The following MCAM variants were observed in gnomAD, a reference collection of about 807,000 sequenced individuals.
The protein encoded by MCAM is melanoma cell adhesion molecule, also known as cell surface glycoprotein MUC18.
In MCAM, 55 loss-of-function variants were observed where a neutral mutation model predicts 79.1. The ratio of observed to expected loss-of-function variants is 0.70; its 90% CI spans 0.56 to 0.87. The LOEUF is 0.87. MCAM is among the 40% of genes least tolerant of loss of function. The pLI is 0.00. For synonymous variants in MCAM, 330 were observed against 339.8 expected, an observed-to-expected ratio of 0.97 and a Z score of 0.32; for missense variants, 745 against 839.8, an observed-to-expected ratio of 0.89 and a Z score of 1.40.
rs375846034 is a variant in MCAM, at chr11:119,312,032, C to G, written c.1143+20G>C. 2.5e-6 allele frequency: 4 copies of G among 1,582,536 alleles called. No individual in the cohort carries two copies. In the African/African-American group the frequency reaches 5.4e-5, roughly 21 times the overall value. ...CCCCACCCACCCCATCAGCCCCTTGCCCCAGACCCGCCTGGGTACCTCTTC... is the reference window on the plus strand; with the variant it reads ...CCCCACCCACCCCATCAGCCCCTTGGCCCAGACCCGCCTGGGTACCTCTTC... On this transcript the variant is annotated intron_variant, in intron 9 of 15. Coordinates refer to ENST00000264036, the MANE Select transcript of MCAM (RefSeq NM_006500.3). The surrounding 1 kb of genome is among the most constrained non-coding windows in gnomAD (Gnocchi z 4.9).
chr11:119,309,615 T>C lies in MCAM; in HGVS notation c.*271A>G, dbSNP rs1033203711. Reference sequence around the variant, plus strand: ...AGAAAAAACACGTTCTGCAAGAAACTCTCCTACCCGCTCGGGAGACTGGGG... The same window carrying C: ...AGAAAAAACACGTTCTGCAAGAAACCCTCCTACCCGCTCGGGAGACTGGGG... On this transcript the variant is annotated 3_prime_UTR_variant, in exon 16 of 16. Transcript: ENST00000264036. The C allele has an allele frequency of 1.9e-6, 1 of 523,362 alleles. No individual in the cohort carries two copies. The highest frequency in any genetic ancestry group is 1.9e-5 in the African/African-American group (1 of 52,554). The allele number at this position is 523,362 out of a possible 1,614,324, so 32.4% of individuals were successfully genotyped here.
chr11:119,316,973 T>TCC lies in MCAM; in HGVS notation c.67+60_67+61dup. 6 of 1,417,514 alleles carry TCC rather than the reference T, an allele frequency of 4.2e-6. No homozygotes were observed. In the South Asian group the frequency reaches 6.3e-5, roughly 15 times the overall value. The allele number at this position is 1,417,514 out of a possible 1,614,324, so 87.8% of individuals were successfully genotyped here. A position where few individuals can be genotyped will look rare whatever the true frequency, so the allele number is the denominator to read the frequency against. On this transcript the variant is annotated intron_variant, in intron 1 of 15. Coordinates refer to ENST00000264036, the MANE Select transcript of MCAM (RefSeq NM_006500.3). This position sits in a 1 kb window ranked among gnomAD's most constrained non-coding sequence, Gnocchi z 4.8. ...GACCCCGCCGCGCCGCTGGCTCTGC[T>TCC]CCCTGGCACGCTCCACCGCAGACCC...
rs774715305 is a variant in MCAM, at chr11:119,312,155, C to G, written c.1040G>C (p.Arg347Pro). 2 of 1,612,614 alleles carry G rather than the reference C, an allele frequency of 1.2e-6. No individual in the cohort carries two copies. The highest frequency in any genetic ancestry group is 1.7e-6 in the Non-Finnish European group (2 of 1,179,332). The change falls in exon 9 of 16, where the codon CGA (arginine) becomes CCA (proline). Residue 347 changes from arginine to proline, a missense_variant. Arg to Pro is a moderately radical substitution (Grantham distance 103, BLOSUM62 -2). Transcript: ENST00000264036. This position sits in a 1 kb window ranked among gnomAD's most constrained non-coding sequence, Gnocchi z 4.9. ...TCTCTCAGGGGCTGCGGGACTCACT[C>G]GGACGTCAGACACATCTGGGGGTAC... is the stretch of plus-strand genomic sequence containing the variant. The part of the protein sequence containing the change: ...ELLVNYVSDV[R>P]VSPAAPERQE...
At chr11:119,313,300 A>G in intron 5 of MCAM, 1 of 1,333,246 alleles carries the variant, frequency 7.5e-7, no homozygotes, top group Non-Finnish European at 9.8e-7. Flanking sequence ...CAGTTGATCT[A>G]AATAGACTGA....
chr11:119,311,022 C>G lies in MCAM; in HGVS notation c.1645+68G>C. Reference sequence around the variant, plus strand: ...GCTACTCACCTTTCTGGACAGGGCTCTCTGGGGAGGGACAGGGCAGAAAGG... The same window carrying G: ...GCTACTCACCTTTCTGGACAGGGCTGTCTGGGGAGGGACAGGGCAGAAAGG... On this transcript the variant is annotated intron_variant, in intron 13 of 15. Transcript: ENST00000264036. The surrounding 1 kb of genome is among the most constrained non-coding windows in gnomAD (Gnocchi z 4.4). 1 of 1,614,016 alleles carries G rather than the reference C, an allele frequency of 6.2e-7. No homozygotes were observed. The highest frequency in any genetic ancestry group is 8.5e-7 in the Non-Finnish European group (1 of 1,180,004).
At chr11:119,310,538 T>C in intron 14 of MCAM, 72 bp from the exon 15 acceptor site, 2 of 1,153,556 alleles carry the variant, frequency 1.7e-6, no homozygotes, top group Non-Finnish European at 2.6e-6. Context: ...CTGTGAAGGA[T>C]GTGGAATGGA....
Position 119,315,456 on chromosome 11 carries a change from A to G in MCAM, c.68-193T>C. 1 of 626,162 alleles carries G rather than the reference A, an allele frequency of 1.6e-6. No individual in the cohort carries two copies. The highest frequency in any genetic ancestry group is 2.7e-6 in the Non-Finnish European group (1 of 363,754). The allele number at this position is 626,162 out of a possible 1,614,324, so 38.8% of individuals were successfully genotyped here. ...GCCCTCTCCCCGTCCAGGAGATCCCAGGTCCTTGGAGCCAAGCAGAGATTG... is the reference window on the plus strand; with the variant it reads ...GCCCTCTCCCCGTCCAGGAGATCCCGGGTCCTTGGAGCCAAGCAGAGATTG... On this transcript the variant is annotated intron_variant, in intron 1 of 15. Transcript: ENST00000264036. The surrounding 1 kb of genome is among the most constrained non-coding windows in gnomAD (Gnocchi z 4.4).
At position 119,310,803 on chromosome 11, in the gene MCAM, G is replaced by A. The variant is rs779273483; in HGVS notation, c.1746C>T (p.Leu582=). The change falls in exon 14 of 16, where the codon CTC becomes CTT. Residue 582 remains leucine, a synonymous_variant. Coordinates refer to ENST00000264036, the MANE Select transcript of MCAM (RefSeq NM_006500.3). The part of the protein sequence containing the change: ...LAVLGAVLYF[L]YKKGKLPCRR... ...TGCACGGCAGCTTGCCCTTCTTATA[G>A]AGGAAATAGAGGACAGCGCCCAGCA... 4 of 1,614,152 alleles carry A rather than the reference G, an allele frequency of 2.5e-6. No individual in the cohort carries two copies. The East Asian group carries it at 8.9e-5, about 36-fold the overall frequency.
In MCAM at chr11:119,311,519, C is replaced by T. The variant is rs748469367; in HGVS notation, c.1407+11G>A. ...GATTAGGAGAGTGTGGCAGATGAGACACCCGCTCACCGTGCCGTTGACGTT... is the reference window on the plus strand; with the variant it reads ...GATTAGGAGAGTGTGGCAGATGAGATACCCGCTCACCGTGCCGTTGACGTT... On this transcript the variant is annotated intron_variant, in intron 11 of 15. Transcript: ENST00000264036. The surrounding 1 kb of genome is among the most constrained non-coding windows in gnomAD (Gnocchi z 4.4). 9 of 1,613,998 alleles carry T rather than the reference C, an allele frequency of 5.6e-6. No homozygotes were observed. In the South Asian group the frequency reaches 6.6e-5, roughly 12 times the overall value.
chr11:119,316,258 G>C lies in MCAM; in HGVS notation c.67+777C>G. On this transcript the variant is annotated intron_variant, in intron 1 of 15. Coordinates refer to ENST00000264036, the MANE Select transcript of MCAM (RefSeq NM_006500.3). This position sits in a 1 kb window ranked among gnomAD's most constrained non-coding sequence, Gnocchi z 4.8. ...CCAGCCGGACAGCGGCTGGGACGGC[G>C]GAATGGGAGCCAAGAGAAACACGCG... is the stretch of plus-strand genomic sequence containing the variant. 6.6e-6 allele frequency: 1 copy of C among 152,270 alleles called. No individual in the cohort carries two copies. Among genetic ancestry groups the C allele is most frequent in the East Asian group, 1.9e-4 (1 of 5,194 alleles). The allele number at this position is 152,270 out of a possible 1,614,324, so 9.4% of individuals were successfully genotyped here. A position where few individuals can be genotyped will look rare whatever the true frequency, so the allele number is the denominator to read the frequency against.
rs763801017 is a variant in MCAM at position 119,312,317 on chromosome 11, A to C, written c.973T>G (p.Leu325Val). The C allele has an allele frequency of 6.2e-7, 1 of 1,614,012 alleles. No individual in the cohort carries two copies. Among genetic ancestry groups the C allele is most frequent in the Non-Finnish European group, 8.5e-7 (1 of 1,179,980 alleles). The change falls in exon 8 of 16, where the codon TTG (leucine) becomes GTG (valine). Residue 325 changes from leucine (L) to valine (V), a missense_variant. By Grantham distance (32) the Leu-to-Val change is conservative. Transcript: ENST00000264036. The surrounding 1 kb of genome is among the most constrained non-coding windows in gnomAD (Gnocchi z 4.9). ...CTCAGCAGCGATATCATGGTGTCCA[A>C]GTCCAGGCCCTGACATTCATAGCGC... is the stretch of plus-strand genomic sequence containing the variant. ...SGRYECQGLD[L>V]DTMISLLSEP...
chr11:119,313,396 ATTT>A (rs747407625), intron 5 of MCAM: 1,004 of 870,180 alleles, frequency 1.2e-3, no homozygotes, highest in Non-Finnish European at 1.3e-3. Flanking sequence ...ACTACTGATA[ATTT>A]TTTTTTTTTT....
rs990475333 is a variant in MCAM, at chr11:119,311,394, G to A, written c.1435C>T (p.Arg479Ter). The change falls in exon 12 of 16, where the codon CGA becomes TGA. Residue 479 changes from arginine to a stop codon, truncating the protein, a stop_gained. Transcript: ENST00000264036. LOFTEE classifies it high-confidence loss of function. The surrounding 1 kb of genome is among the most constrained non-coding windows in gnomAD (Gnocchi z 4.4). ...TASEQDQDPQRVLSTLNVLVT... is the reference protein window; with the variant it reads ...TASEQDQDPQ ...AGGACATTCAGGGTGCTCAGGACTCGCTGTGGATCTTGGTCTTGTTCACTT... is the reference window on the plus strand; with the variant it reads ...AGGACATTCAGGGTGCTCAGGACTCACTGTGGATCTTGGTCTTGTTCACTT... 4 of 1,614,166 alleles carry A rather than the reference G, an allele frequency of 2.5e-6. No homozygotes were observed. The highest frequency in any genetic ancestry group is 3.4e-6 in the Non-Finnish European group (4 of 1,180,018).
rs763106062 is a variant in MCAM, at chr11:119,312,761, A to G, written c.739+9T>C. ...GCCCCAGTAAGCAGAGAGTCAGGTT[A>G]GTACTCACAGAAAACAGGGACGGTG... On this transcript the variant is annotated intron_variant, in intron 6 of 15. Transcript: ENST00000264036. The surrounding 1 kb of genome is among the most constrained non-coding windows in gnomAD (Gnocchi z 4.9). 12 of 1,613,794 alleles carry G rather than the reference A, an allele frequency of 7.4e-6. No individual in the cohort carries two copies. The East Asian group carries it at 2.5e-4, about 33-fold the overall frequency.
intron 5 of MCAM, chr11:119,314,241 C>CATTT (rs1232607881): frequency 2.0e-6 from 1 of 508,510 alleles, no homozygotes; most frequent in East Asian, 3.9e-5. Context: ...CTGCAGCCTT[C>CATTT]ATTTCCTGGG....
At position 119,314,014 on chromosome 11, in the gene MCAM, GA is replaced by G. The variant is rs564780937; in HGVS notation, c.559+474del. On this transcript the variant is annotated intron_variant, in intron 5 of 15. Coordinates refer to ENST00000264036, the MANE Select transcript of MCAM (RefSeq NM_006500.3). ...CCCTGATAGCAGAGATTATTTCTGG[GA>G]GGGGGGGTCTCAGGCAAGAAGAAAC... The G allele has an allele frequency of 1.0e-4, 102 of 981,708 alleles. No homozygotes were observed. In the Admixed American group the frequency reaches 1.1e-3, roughly 10 times the overall value. 60.8% of individuals were successfully genotyped at this position (981,708 alleles called of 1,614,324 possible).
In MCAM at chr11:119,311,679, G is replaced by T; in HGVS notation, c.1286-28C>A. Reference sequence around the variant, plus strand: ...TGGGGAGGTAGGGAGAGGTGAGGTGGCAAGCCCAGCTAGCCTGCCTCCCCC... The same window carrying T: ...TGGGGAGGTAGGGAGAGGTGAGGTGTCAAGCCCAGCTAGCCTGCCTCCCCC... On this transcript the variant is annotated intron_variant, in intron 10 of 15. Transcript: ENST00000264036. This position sits in a 1 kb window ranked among gnomAD's most constrained non-coding sequence, Gnocchi z 4.4. The T allele has an allele frequency of 6.2e-7, 1 of 1,613,312 alleles. No homozygotes were observed.
chr11:119,314,853 C>G lies in MCAM; in HGVS notation c.380G>C (p.Arg127Pro), dbSNP rs147390678. The G allele has an allele frequency of 6.2e-7, 1 of 1,613,670 alleles. No homozygotes were observed. The highest frequency in any genetic ancestry group is 2.2e-5 in the East Asian group (1 of 44,878). The change falls in exon 3 of 16, where the codon CGC becomes CCC. Residue 127 changes from arginine (R) to proline (P), a missense_variant. Arg to Pro is a moderately radical substitution (Grantham distance 103). Transcript: ENST00000264036. ...CGCACTGTAGACGCGGAGCTGGATG[C>G]GGTACTCCTGGGACCGAGGGCGCTT... ...QGKRPRSQEY[R>P]IQLRVYKAPE... is the part of the protein sequence containing the mutation.
chr11:119,312,223 T>C lies in MCAM; in HGVS notation c.1024+43A>G, dbSNP rs746228709. On this transcript the variant is annotated intron_variant, in intron 8 of 15. Coordinates refer to ENST00000264036, the MANE Select transcript of MCAM (RefSeq NM_006500.3). The surrounding 1 kb of genome is among the most constrained non-coding windows in gnomAD (Gnocchi z 4.9). The stretch of plus-strand genomic sequence containing the variant: ...GGGCAGGGTGGGGCCAGTTCCCTAT[T>C]GCCCCAGCCTGGTCCCCCTGTCCTG... 73 of 1,611,788 alleles carry C rather than the reference T, an allele frequency of 4.5e-5. No homozygotes were observed. The Middle Eastern group carries it at 9.9e-4, about 22-fold the overall frequency.
Sources: gnomAD v4.1 joint callset for allele counts on GRCh38, gnomAD v4.1.1 for gene constraint, Gnocchi (gnomAD v3.1) non-coding constraint, MANE v1.5 for transcripts, NCBI Gene and HGNC (gene_info 2026-07-23, HGNC 2026-07-21) for gene names.